Variants in BNIP2 observed in about 807,000 individuals in gnomAD.
BNIP2 encodes the protein BCL2/adenovirus E1B 19 kDa protein-interacting protein 2.
In BNIP2, 36 loss-of-function variants were observed where a neutral mutation model predicts 43.4. That is an observed-to-expected ratio of 0.83 (90% CI 0.64 to 1.10). The LOEUF is 1.10. BNIP2 is among the 50% of genes least tolerant of loss of function. The pLI is 0.00. For synonymous variants in BNIP2, 146 were observed against 121.0 expected, an observed-to-expected ratio of 1.21 and a Z score of -1.35; for missense variants, 417 against 374.1, an observed-to-expected ratio of 1.11 and a Z score of -0.95.
At position 59,660,013 on chromosome 15, in the gene BNIP2, G is replaced by C. The variant is rs1035463736; in HGVS notation, c.*4056C>G. 6.6e-6 allele frequency: 1 copy of C among 152,138 alleles called. No individual in the cohort carries two copies. The highest frequency in any genetic ancestry group is 1.5e-5 in the Non-Finnish European group (1 of 68,016). 9.4% of individuals were successfully genotyped at this position (152,138 alleles called of 1,614,324 possible). On this transcript the variant is annotated 3_prime_UTR_variant, in exon 10 of 10. Transcript: ENST00000607373. The stretch of plus-strand genomic sequence containing the variant: ...ATTGATCTGATTCTAAGTTCATTCA[G>C]AATTTCAAGAAGGGCAGAGGGGGAT...
At chr15:59,682,620 G>T in intron 1 of BNIP2, 106 bp from the exon 2 acceptor site, 19 of 823,324 alleles carry the variant, frequency 2.3e-5, no homozygotes, top group South Asian at 9.2e-5. Flanking sequence ...TTAGTACAAT[G>T]GTCTGGTCAT....
intron 4 of BNIP2, chr15:59,678,883 T>A: frequency 7.7e-7 from 1 of 1,296,830 alleles, no homozygotes; most frequent in Non-Finnish European, 1.0e-6. Flanking sequence ...GGCACAAAAC[T>A]ATTTCAGTAT....
chr15:59,669,013 T>G (rs762944172), intron 8 of BNIP2, 23 bp from the exon 9 acceptor site: 1 of 1,573,006 alleles, frequency 6.4e-7, no homozygotes, highest in South Asian at 1.1e-5. Context: ...ATAAAAATAA[T>G]TACTTCCATA....
At chr15:59,665,916 C>T (rs540353754) in intron 9 of BNIP2, among the ~76,000 whole-genome samples, 5 of 152,272 alleles carry the variant, frequency 3.3e-5, no homozygotes, top group East Asian at 3.9e-4. Flanking sequence ...AAGCCCTGGT[C>T]TGTGGTAAAG....
At position 59,689,316 on chromosome 15, in the gene BNIP2, A is replaced by T. The variant is rs3087328; in HGVS notation, c.-239T>A. ...GTCGGCGGCAGCAGCTGACCCGGAC[A>T]CAGTGAGAAGCCCCGGCGGAAGTGA... On this transcript the variant is annotated 5_prime_UTR_variant, in exon 1 of 10. Coordinates refer to ENST00000607373, the MANE Select transcript of BNIP2 (RefSeq NM_004330.4). 2 of 1,548,032 alleles carry T rather than the reference A, an allele frequency of 1.3e-6. No homozygotes were observed. Among genetic ancestry groups the T allele is most frequent in the Non-Finnish European group, 1.7e-6 (2 of 1,146,376 alleles).
At chr15:59,668,069 G>A (rs1232808802) in intron 9 of BNIP2, 3 of 1,278,008 alleles carry the variant, frequency 2.3e-6, no homozygotes, top group African/African-American at 3.1e-5. Context: ...AAATGGACTA[G>A]TCTAGATGCA....
chr15:59,680,134 A>G, intron 3 of BNIP2, 107 bp downstream of exon 3: 1 of 909,384 alleles, frequency 1.1e-6, no homozygotes, highest in Non-Finnish European at 1.6e-6. Flanking sequence ...TTTGACTTCT[A>G]TGATGGAATA....
intron 1 of BNIP2, among the ~76,000 whole-genome samples, chr15:59,684,589 C>G (rs1166703126): frequency 2.0e-5 from 3 of 152,152 alleles, no homozygotes; most frequent in African/African-American, 7.2e-5. Context: ...CATGCTATGA[C>G]TAAAGGCTGA....
In BNIP2 at chr15:59,661,845, T is replaced by A. The variant is rs1372431653; in HGVS notation, c.*2224A>T. 1 of 152,228 alleles carries A rather than the reference T, an allele frequency of 6.6e-6. No individual in the cohort carries two copies. Among genetic ancestry groups the A allele is most frequent in the African/African-American group, 2.4e-5 (1 of 41,462 alleles). The allele number at this position is 152,228 out of a possible 1,614,324, so 9.4% of individuals were successfully genotyped here. ...TAACCTACTATTATGATCTTAAATC[T>A]TATAAAACATTTATTGTGGGTACAT... On this transcript the variant is annotated 3_prime_UTR_variant, in exon 10 of 10. Transcript: ENST00000607373.
At chr15:59,675,448 A>G (rs1365530321) in intron 5 of BNIP2, among the ~76,000 whole-genome samples, 1 of 151,302 alleles carries the variant, frequency 6.6e-6, no homozygotes, top group East Asian at 2.0e-4. Flanking sequence ...TTCTCTACTA[A>G]AAATACAAAA....
intron 1 of BNIP2, 49 bp downstream of exon 1, chr15:59,689,086 C>T (rs1158494028): frequency 6.6e-7 from 1 of 1,513,308 alleles, no homozygotes; most frequent in Admixed American, 2.1e-5. Context: ...GGCCGGTTCC[C>T]AGTCCAGCTC....
At chr15:59,676,641 T>C (rs1893308536) in intron 5 of BNIP2, 2 of 578,460 alleles carry the variant, frequency 3.5e-6, no homozygotes, top group African/African-American at 1.9e-5. Context: ...TTACATAATA[T>C]CTCTAGGCAG....
intron 1 of BNIP2, 118 bp downstream of exon 1, chr15:59,689,015 ACT>A (rs1894210112): frequency 1.4e-6 from 2 of 1,445,134 alleles, no homozygotes; most frequent in African/African-American, 2.9e-5. Context: ...ACCAAGGGTA[ACT>A]CTCTGGGTTT....
At position 59,662,448 on chromosome 15, in the gene BNIP2, G is replaced by C. The variant is rs1012424708; in HGVS notation, c.*1621C>G. The C allele has an allele frequency of 6.6e-6, 1 of 152,214 alleles. No homozygotes were observed. Among genetic ancestry groups the C allele is most frequent in the Non-Finnish European group, 1.5e-5 (1 of 68,044 alleles). 9.4% of individuals were successfully genotyped at this position (152,214 alleles called of 1,614,324 possible). On this transcript the variant is annotated 3_prime_UTR_variant, in exon 10 of 10. Coordinates refer to ENST00000607373, the MANE Select transcript of BNIP2 (RefSeq NM_004330.4). ...ATCTGCCAAGAGCTGCTGGATCTGA[G>C]TTAAGTCAGGAGGCTGCTGAGGAAT...
intron 5 of BNIP2, among the ~76,000 whole-genome samples, chr15:59,675,945 G>A (rs889738424): frequency 2.0e-5 from 3 of 152,178 alleles, no homozygotes; most frequent in Non-Finnish European, 4.4e-5. Context: ...AGTGGCTACC[G>A]AAGCTGAGTA....
At chr15:59,680,353 A>ATT (rs6151508) in intron 2 of BNIP2, 45 bp from the exon 3 acceptor site, 70 of 1,458,098 alleles carry the variant, frequency 4.8e-5, no homozygotes, top group East Asian at 3.7e-4. Flanking sequence ...TTAAGAAAGA[A>ATT]TTTTTTTTTG....
Position 59,682,412 on chromosome 15 carries a change from G to GA in BNIP2, c.45dup (p.Pro16SerfsTer8). ...TCTTTTAAAAGCATTGCTCACATCG[G>GA]AAAATCTTCATCTTGCCATTCTTCT... On this transcript the variant is annotated frameshift_variant, in exon 2 of 10. Coordinates refer to ENST00000607373, the MANE Select transcript of BNIP2 (RefSeq NM_004330.4). LOFTEE classifies it high-confidence loss of function. 1 of 1,610,542 alleles carries GA rather than the reference G, an allele frequency of 6.2e-7. No homozygotes were observed. The highest frequency in any genetic ancestry group is 8.5e-7 in the Non-Finnish European group (1 of 1,178,798).
intron 7 of BNIP2, among the ~76,000 whole-genome samples, chr15:59,670,375 G>A (rs1298288104): frequency 1.3e-5 from 2 of 152,206 alleles, no homozygotes; most frequent in East Asian, 1.9e-4. Context: ...CCGCTACAGT[G>A]AGCAGAGATT....
At position 59,689,154 on chromosome 15, in the gene BNIP2, C is replaced by G. The variant is rs1246983015; in HGVS notation, c.-77G>C. On this transcript the variant is annotated 5_prime_UTR_variant, in exon 1 of 10. Transcript: ENST00000607373. ...ACTCACCCCGGAGGAAGCCTTGGCCCCCTCGTCCTCTTCGCCCCTCCAGGC... is the reference window on the plus strand; with the variant it reads ...ACTCACCCCGGAGGAAGCCTTGGCCGCCTCGTCCTCTTCGCCCCTCCAGGC... 2 of 1,537,688 alleles carry G rather than the reference C, an allele frequency of 1.3e-6. No individual in the cohort carries two copies. The highest frequency in any genetic ancestry group is 1.7e-6 in the Non-Finnish European group (2 of 1,146,460).
Sources: gnomAD v4.1 joint callset for allele counts (sites outside exome capture counted in the v4.1 genomes callset) on GRCh38, gnomAD v4.1.1 for gene constraint, MANE v1.5 for transcripts, NCBI Gene and HGNC (gene_info 2026-07-23, HGNC 2026-07-21) for gene names.